Variants in ARID1B observed in about 807,000 individuals in gnomAD.
The protein encoded by ARID1B is AT-rich interactive domain-containing protein 1B.
Under a neutral mutation model 212.3 loss-of-function variants are expected in ARID1B, and 30 were observed. The ratio of observed to expected loss-of-function variants is 0.14; its 90% CI spans 0.11 to 0.19. The LOEUF is 0.19. Ranked by LOEUF, ARID1B falls within the 10% of genes least tolerant of loss-of-function variation. The pLI, the probability that ARID1B is intolerant of heterozygous loss-of-function variation, is 1.00. For missense variants in ARID1B, 2,891 were observed against 3,204.0 expected (o/e 0.90, Z 2.36); for synonymous variants, 1,402 against 1,301.7 (o/e 1.08, Z -1.66).
chr6:156,827,145 A>G (rs889024864), intron 1 of ARID1B, among the ~76,000 whole-genome samples: 1 of 151,688 alleles, frequency 6.6e-6, no homozygotes, highest in African/African-American at 2.4e-5. Context: ...TTCTCTACCT[A>G]TTTTTCCAGG....
intron 2 of ARID1B, among the ~76,000 whole-genome samples, chr6:156,894,810 A>T (rs138283606): frequency 1.3e-5 from 2 of 152,226 alleles, no homozygotes; most frequent in African/African-American, 4.8e-5. Flanking sequence ...GTGTTTTTCT[A>T]TGCTTTCCTA....
chr6:157,012,646 T>G (rs1001550592), intron 4 of ARID1B, among the ~76,000 whole-genome samples: 10 of 152,212 alleles, frequency 6.6e-5, no homozygotes, highest in African/African-American at 2.4e-4. Context: ...TAGGCTTTAG[T>G]CTAATTTCCT....
chr6:157,204,057 A>G, intron 19 of ARID1B, 61 bp downstream of exon 19: 1 of 1,601,522 alleles, frequency 6.2e-7, no homozygotes. Flanking sequence ...GGCCATGCAC[A>G]TTTGTGCTTG....
intron 1 of ARID1B, among the ~76,000 whole-genome samples, chr6:156,813,081 C>CGTAT: frequency 7.6e-6 from 1 of 130,808 alleles, no homozygotes; most frequent in Admixed American, 8.1e-5. Flanking sequence ...TACACACATA[C>CGTAT]GTATGTATAT....
At chr6:157,145,373 C>T (rs759482263) in intron 7 of ARID1B, among the ~76,000 whole-genome samples, 17 of 152,146 alleles carry the variant, frequency 1.1e-4, no homozygotes, top group Admixed American at 2.6e-4. Context: ...ATTGAGCAAT[C>T]GTGATAGAGA....
At chr6:157,174,763 G>A (rs947727778) in intron 10 of ARID1B, 84 bp from the exon 11 acceptor site, 3 of 871,592 alleles carry the variant, frequency 3.4e-6, no homozygotes, top group Admixed American at 3.3e-5. Context: ...AAATTAGTTT[G>A]TTAAAGTGGA....
chr6:156,845,529 T>C (rs900956073), intron 2 of ARID1B, among the ~76,000 whole-genome samples: 1 of 152,124 alleles, frequency 6.6e-6, no homozygotes, highest in African/African-American at 2.4e-5. Context: ...AGATTGGATA[T>C]AATTTTCCCT....
chr6:157,191,676 A>G (rs1793385145), intron 15 of ARID1B, among the ~76,000 whole-genome samples: 2 of 152,236 alleles, frequency 1.3e-5, no homozygotes, highest in African/African-American at 4.8e-5. Flanking sequence ...ACAAGCCACA[A>G]GTGGAGACTT....
intron 3 of ARID1B, among the ~76,000 whole-genome samples, chr6:156,905,507 G>A (rs1789305228): frequency 6.6e-6 from 1 of 152,164 alleles, no homozygotes; most frequent in South Asian, 2.1e-4. Context: ...TATTCTCAGA[G>A]TCTCCGTTGA....
intron 6 of ARID1B, among the ~76,000 whole-genome samples, chr6:157,127,543 G>A (rs1788213409): frequency 6.6e-6 from 1 of 151,382 alleles, no homozygotes; most frequent in East Asian, 1.9e-4. Flanking sequence ...AGGCCGAGGT[G>A]GGCGGATCAC....
chr6:156,981,110 C>T (rs192167533), intron 4 of ARID1B, among the ~76,000 whole-genome samples: 49 of 152,340 alleles, frequency 3.2e-4, no homozygotes, highest in African/African-American at 1.1e-3. Flanking sequence ...ACTGTCCTCC[C>T]TTGTCTACTT....
chr6:157,131,565 G>C (rs895527892), intron 6 of ARID1B, among the ~76,000 whole-genome samples: 5 of 152,278 alleles, frequency 3.3e-5, no homozygotes, highest in African/African-American at 1.2e-4. Flanking sequence ...TGCAGTGGAG[G>C]GGGAGAAAGC....
intron 4 of ARID1B, among the ~76,000 whole-genome samples, chr6:157,070,189 A>G (rs117630563): frequency 0.023 from 3,503 of 151,434 alleles, 57 homozygotes; most frequent in Non-Finnish European, 0.034. Context: ...AAGCTGTGTT[A>G]CCTTAAATTG....
intron 4 of ARID1B, among the ~76,000 whole-genome samples, chr6:156,959,949 G>A (rs1017080604): frequency 5.0e-5 from 5 of 100,302 alleles, no homozygotes; most frequent in South Asian, 7.0e-4. Context: ...TTTTTTTCTC[G>A]AGACAGAGTC....
At chr6:157,185,625 T>TA (rs1470493345) in intron 13 of ARID1B, 1 of 152,372 alleles carries the variant, frequency 6.6e-6, no homozygotes, top group Admixed American at 6.5e-5. Context: ...TGCTACAGTA[T>TA]ACACGATACC....
intron 4 of ARID1B, among the ~76,000 whole-genome samples, chr6:157,015,699 G>C (rs1016274147): frequency 1.3e-5 from 2 of 152,182 alleles, no homozygotes; most frequent in African/African-American, 4.8e-5. Flanking sequence ...CCTGACTTCA[G>C]AGTTTCCCAG....
At chr6:157,022,644 C>T (rs753767679) in intron 4 of ARID1B, 8 of 152,216 alleles carry the variant, frequency 5.3e-5, no homozygotes, top group Non-Finnish European at 1.2e-4. Flanking sequence ...CAACTAGTAG[C>T]AATCAGCGAC....
At chr6:156,859,018 G>A (rs1212522822) in intron 2 of ARID1B, among the ~76,000 whole-genome samples, 1 of 152,030 alleles carries the variant, frequency 6.6e-6, no homozygotes, top group African/African-American at 2.4e-5. Context: ...ATACACTTAG[G>A]GTACACTAGA....
At chr6:157,145,487 T>C (rs1789660960) in intron 7 of ARID1B, among the ~76,000 whole-genome samples, 1 of 152,100 alleles carries the variant, frequency 6.6e-6, no homozygotes, top group Admixed American at 6.5e-5. Context: ...CTGTAGGGAA[T>C]AACACACGCC....
Sources: allele counts gnomAD v4.1 joint callset (sites outside exome capture counted in the v4.1 genomes callset), GRCh38; gene constraint gnomAD v4.1.1; transcripts MANE v1.5; gene names NCBI Gene and HGNC (gene_info 2026-07-23, HGNC 2026-07-21).